Variants in STYXL1 observed in about 807,000 individuals in gnomAD.
The protein encoded by STYXL1 is serine/threonine/tyrosine interacting like 1.
STYXL1 carries 32 observed loss-of-function variants against 36.4 expected under a neutral mutation model. That is an observed-to-expected ratio of 0.88 (90% CI 0.66 to 1.18). The LOEUF is 1.18. Ranked by LOEUF, STYXL1 falls within the 50% of genes most tolerant of loss-of-function variation. The pLI is 0.00. For missense variants in STYXL1, 354 were observed against 394.1 expected (o/e 0.90, Z 0.86); for synonymous variants, 133 against 144.1 (o/e 0.92, Z 0.55).
At position 76,021,945 on chromosome 7, in the gene STYXL1, C is replaced by T; in HGVS notation, c.213G>A (p.Val71=). The part of the protein sequence containing the change: ...LLPESVDLEC[V]KYCVVYDNNS... Reference sequence around the variant, plus strand: ...TGTTATCATACACCACGCAGTACTTCACACACTCCAGGTCCACAGACTCCG... The same window carrying T: ...TGTTATCATACACCACGCAGTACTTTACACACTCCAGGTCCACAGACTCCG... Residue 71 remains valine (V), a synonymous_variant, in exon 4 of 9, where the codon GTG becomes GTA. Coordinates refer to ENST00000359697, the MANE Select transcript of STYXL1 (RefSeq NM_001317785.2). 6.2e-7 allele frequency: 1 copy of T among 1,613,282 alleles called. No individual in the cohort carries two copies.
chr7:76,016,465 A>G (rs1793386923), intron 4 of STYXL1, among the ~76,000 whole-genome samples: 1 of 151,872 alleles, frequency 6.6e-6, no homozygotes, highest in African/African-American at 2.4e-5. Flanking sequence ...ATATACATAT[A>G]TACGCATATA....
chr7:76,032,996 C>T (rs1795535070), intron 1 of STYXL1, among the ~76,000 whole-genome samples: 1 of 152,090 alleles, frequency 6.6e-6, no homozygotes, highest in Non-Finnish European at 1.5e-5. Context: ...CGTTAAGGAT[C>T]CCGACAGTCA....
At chr7:76,042,492 C>A (rs1259388818) in intron 1 of STYXL1, among the ~76,000 whole-genome samples, 1 of 145,408 alleles carries the variant, frequency 6.9e-6, no homozygotes, top group African/African-American at 2.5e-5. Context: ...GCAACCCTGC[C>A]TCCAGGGTTC....
chr7:76,005,116 A>G (rs1791495249), intron 6 of STYXL1, 143 bp downstream of exon 6: 1 of 346,896 alleles, frequency 2.9e-6, no homozygotes, highest in South Asian at 1.2e-4. Flanking sequence ...ATGTATACAT[A>G]TGTAACAAAC....
chr7:76,019,658 G>A (rs1554575381), intron 4 of STYXL1, among the ~76,000 whole-genome samples: 4 of 151,946 alleles, frequency 2.6e-5, no homozygotes, highest in African/African-American at 7.3e-5. Context: ...CTTCCAGAAG[G>A]GGCTGTGGAG....
At chr7:75,999,527 G>A (rs1410120211) in intron 8 of STYXL1, among the ~76,000 whole-genome samples, 8 of 130,270 alleles carry the variant, frequency 6.1e-5, no homozygotes, top group Middle Eastern at 3.7e-3. Flanking sequence ...GTGTGTGTGT[G>A]TGTGTGTGTG....
intron 8 of STYXL1, chr7:75,999,277 A>G (rs1282513538): frequency 1.3e-5 from 2 of 153,952 alleles, no homozygotes; most frequent in Admixed American, 1.3e-4. Flanking sequence ...CCTTAAAAGG[A>G]AGGAACTTAT....
At chr7:76,024,835 G>T (rs1794485697) in intron 3 of STYXL1, among the ~76,000 whole-genome samples, 1 of 150,540 alleles carries the variant, frequency 6.6e-6, no homozygotes, top group Non-Finnish European at 1.5e-5. Context: ...TGTAGTCCCA[G>T]CTACTTGGGA....
At chr7:76,040,383 C>G (rs926479651) in intron 1 of STYXL1, among the ~76,000 whole-genome samples, 2 of 152,178 alleles carry the variant, frequency 1.3e-5, no homozygotes, top group African/African-American at 4.8e-5. Flanking sequence ...GGCTTCACTG[C>G]AGACTCAGAT....
Position 75,999,551 on chromosome 7 carries a change from G to GTGTATA in STYXL1, c.810+1338_810+1339insTATACA, listed in dbSNP as rs1421403301. ...TGTGTGTGTGTGTGTGTGTGTGTGT[G>GTGTATA]TATATTTTTTTTTGAGACAGAGTTT... On this transcript the variant is annotated intron_variant, in intron 8 of 8. Coordinates refer to ENST00000359697, the MANE Select transcript of STYXL1 (RefSeq NM_001317785.2). Among the ~76,000 whole-genome samples the GTGTATA allele has an allele frequency of 7.6e-3, 605 of 80,068 alleles. 3 individuals are homozygous for GTGTATA. Among genetic ancestry groups the GTGTATA allele is most frequent in the African/African-American group, 0.02 (476 of 24,200 alleles). 52.5% of individuals were successfully genotyped at this position (80,068 alleles called of 152,430 possible).
chr7:75,999,154 A>ATAAC (rs1340656867), intron 8 of STYXL1: 2 of 153,718 alleles, frequency 1.3e-5, no homozygotes, highest in African/African-American at 4.8e-5. Context: ...AAATAAATAA[A>ATAAC]TAAAATAACA....
At chr7:76,017,858 C>A in intron 4 of STYXL1, among the ~76,000 whole-genome samples, 1 of 2,004 alleles carries the variant, frequency 5.0e-4, no homozygotes, top group African/African-American at 5.7e-4. Context: ...AAGAGCAAAA[C>A]TCCATCTCAA....
chr7:76,030,598 T>C (rs1427367421), intron 1 of STYXL1, 71 bp from the exon 2 acceptor site: 4 of 886,478 alleles, frequency 4.5e-6, no homozygotes, highest in African/African-American at 1.7e-5. Context: ...AGTAATATAA[T>C]GAATTAAACT....
chr7:76,031,625 G>T (rs1017124610), intron 1 of STYXL1, among the ~76,000 whole-genome samples: 1 of 150,842 alleles, frequency 6.6e-6, no homozygotes, highest in Non-Finnish European at 1.5e-5. Flanking sequence ...TGAGGCAGGA[G>T]AATCACTTGA....
At chr7:76,023,676 A>G (rs73366066) in intron 3 of STYXL1, among the ~76,000 whole-genome samples, 33,794 of 151,796 alleles carry the variant, frequency 0.22, 4,953 homozygotes, top group African/African-American at 0.41. Context: ...GCAGTGAGCT[A>G]TGATTGCATC....
chr7:76,046,363 T>A (rs1797078494), intron 1 of STYXL1, among the ~76,000 whole-genome samples: 1 of 144,382 alleles, frequency 6.9e-6, no homozygotes, highest in South Asian at 2.2e-4. Context: ...CGCGCGCTTT[T>A]GAGCCGGAGT....
intron 4 of STYXL1, among the ~76,000 whole-genome samples, chr7:76,015,363 A>G (rs1300204143): frequency 6.6e-6 from 1 of 152,228 alleles, no homozygotes; most frequent in Non-Finnish European, 1.5e-5. Context: ...ATATACAAAA[A>G]TCAACTCAAG....
At position 76,026,192 on chromosome 7, in the gene STYXL1, C is replaced by CA. The variant is rs1159067824; in HGVS notation, c.165+2449dup. The stretch of plus-strand genomic sequence containing the variant: ...GGAGGACAGAGCAAGACTCTGTCTC[C>CA]AAAAAAAAAAAAAAAAAAAAAAAAA... On this transcript the variant is annotated intron_variant, in intron 3 of 8. Coordinates refer to ENST00000359697, the MANE Select transcript of STYXL1 (RefSeq NM_001317785.2). 3.3e-3 allele frequency among the ~76,000 whole-genome samples: 62 copies of CA among 18,614 alleles called. 27 individuals are homozygous for CA. The highest frequency in any genetic ancestry group is 3.9e-3 in the Non-Finnish European group (45 of 11,486). 12.2% of individuals were successfully genotyped at this position (18,614 alleles called of 152,430 possible).
intron 8 of STYXL1, chr7:75,998,639 G>C (rs189542517): frequency 6.6e-6 from 1 of 152,122 alleles, no homozygotes; most frequent in East Asian, 1.9e-4. Flanking sequence ...CATTCGATGG[G>C]GGAAAAGGAC....
Sources: allele counts gnomAD v4.1 joint callset (sites outside exome capture counted in the v4.1 genomes callset), GRCh38; gene constraint gnomAD v4.1.1; transcripts MANE v1.5; gene names NCBI Gene and HGNC (gene_info 2026-07-23, HGNC 2026-07-21).